The following ARHGAP8 variants were observed in gnomAD, a reference collection of about 807,000 sequenced individuals.
The protein encoded by ARHGAP8 is rho GTPase-activating protein 8.
ARHGAP8 carries 62 observed loss-of-function variants against 46.1 expected under a neutral mutation model. The observed-to-expected ratio is 1.34, with a 90% CI of 1.10 to 1.66. The LOEUF (loss-of-function observed/expected upper bound fraction) is 1.66, where lower values mean the gene tolerates loss of function less well. Ranked by LOEUF, ARHGAP8 falls within the 40% of genes most tolerant of loss-of-function variation. The pLI is 0.00. For synonymous variants in ARHGAP8, 375 were observed against 243.1 expected, an observed-to-expected ratio of 1.54 and a Z score of -5.05; for missense variants, 923 against 568.4, an observed-to-expected ratio of 1.62 and a Z score of -6.34.
intron 11 of ARHGAP8, among the ~76,000 whole-genome samples, 159 bp from the exon 12 acceptor site, chr22:44,862,116 T>G (rs1173323257): frequency 6.6e-6 from 1 of 152,094 alleles, no homozygotes; most frequent in Non-Finnish European, 1.5e-5. Context: ...AGGCCCTGAG[T>G]GGGCAGGTGG....
chr22:44,822,378 T>G lies in ARHGAP8; in HGVS notation c.394T>G (p.Phe132Val). 1 of 1,579,160 alleles carries G rather than the reference T, an allele frequency of 6.3e-7. No individual in the cohort carries two copies. Among genetic ancestry groups the G allele is most frequent in the South Asian group, 1.2e-5 (1 of 84,074 alleles). Residue 132 changes from phenylalanine to valine, a missense_variant, in exon 6 of 12, where the codon TTT (phenylalanine) becomes GTT (valine). Physicochemically the swap from Phe to Val is conservative, Grantham distance 50 (BLOSUM62 -1). Transcript: ENST00000356099. ...TTGCTTCTGCTTTCTTAGTCACAAGTTTGGGAAGAAAGTCATCTATTTCAA... is the reference window on the plus strand; with the variant it reads ...TTGCTTCTGCTTTCTTAGTCACAAGGTTGGGAAGAAAGTCATCTATTTCAA... ...NILKPLISHKFGKKVIYFNYL... is the reference protein window; with the variant it reads ...NILKPLISHKVGKKVIYFNYL...
intron 11 of ARHGAP8, among the ~76,000 whole-genome samples, chr22:44,861,845 C>A (rs564087029): frequency 6.6e-6 from 1 of 152,284 alleles, no homozygotes; most frequent in East Asian, 1.9e-4. Context: ...CAAGCTCTTT[C>A]CACTCTCCCT....
chr22:44,818,703 T>C (rs200848479), intron 5 of ARHGAP8, among the ~76,000 whole-genome samples: 10 of 129,306 alleles, frequency 7.7e-5, no homozygotes, highest in African/African-American at 3.4e-4. Flanking sequence ...TTCCTTCCTT[T>C]TCTCTTTTTT....
chr22:44,833,096 CT>C (rs533794156), intron 7 of ARHGAP8, among the ~76,000 whole-genome samples: 7,054 of 120,270 alleles, frequency 0.059, 344 homozygotes, highest in East Asian at 0.37. Context: ...CTTTTCTTTT[CT>C]TTTTTTTTTT....
chr22:44,859,615 T>A (rs919791555), intron 10 of ARHGAP8, 116 bp from the exon 11 acceptor site: 4 of 1,120,408 alleles, frequency 3.6e-6, no homozygotes, highest in Non-Finnish European at 5.2e-6. Flanking sequence ...AGCCCAAATG[T>A]GGGATAGTCC....
Position 44,848,997 on chromosome 22 carries a change from C to G in ARHGAP8, c.814C>G (p.Leu272Val), listed in dbSNP as rs1445781513. 6.2e-7 allele frequency: 1 copy of G among 1,614,116 alleles called. No individual in the cohort carries two copies. Among genetic ancestry groups the G allele is most frequent in the Non-Finnish European group, 8.5e-7 (1 of 1,180,042 alleles). ...HIPAVILKTFLRELPQPLLTF... is the reference protein window; with the variant it reads ...HIPAVILKTFVRELPQPLLTF... ...CCCTGCCGTGATCCTGAAGACCTTC[C>G]TGCGAGAGCTGCCCCAGCCGCTTCT... Residue 272 changes from leucine (L) to valine (V), a missense_variant, in exon 10 of 12, where the codon CTG (leucine) becomes GTG (valine). Physicochemically the swap from Leu to Val is conservative, Grantham distance 32. Coordinates refer to ENST00000356099, the MANE Select transcript of ARHGAP8 (RefSeq NM_181335.3).
At chr22:44,811,382 C>T (rs1045961029) in intron 4 of ARHGAP8, among the ~76,000 whole-genome samples, 5 of 152,204 alleles carry the variant, frequency 3.3e-5, no homozygotes, top group African/African-American at 1.2e-4. Context: ...CATTGAAGGG[C>T]GTTGATAAGT....
chr22:44,860,986 A>C (rs527707236), intron 11 of ARHGAP8, among the ~76,000 whole-genome samples: 2 of 127,536 alleles, frequency 1.6e-5, no homozygotes, highest in South Asian at 4.8e-4. Flanking sequence ...TCAGAGGCCC[A>C]AAACTAAACT....
chr22:44,813,703 GTACACCTACACACACTTTCATACACT>G (rs1016992578), intron 4 of ARHGAP8, among the ~76,000 whole-genome samples: 4 of 146,640 alleles, frequency 2.7e-5, no homozygotes, highest in South Asian at 2.2e-4. Context: ...ACATATGTAG[GTACACCTACACACACTTTCATACACT>G]TACACCTACA....
chr22:44,770,365 G>T (rs1445706114), intron 1 of ARHGAP8, among the ~76,000 whole-genome samples: 1 of 151,606 alleles, frequency 6.6e-6, no homozygotes, highest in Non-Finnish European at 1.5e-5. Context: ...GGAGTCATCT[G>T]CCAGGAATGC....
In ARHGAP8 at chr22:44,862,324, G is replaced by C. The variant is rs2070533934; in HGVS notation, c.1031G>C (p.Cys344Ser). 1.9e-6 allele frequency: 3 copies of C among 1,613,756 alleles called. No homozygotes were observed. Among genetic ancestry groups the C allele is most frequent in the Non-Finnish European group, 2.5e-6 (3 of 1,179,796 alleles). The change falls in exon 12 of 12, where the codon TGT (cysteine) becomes TCT (serine). Residue 344 changes from cysteine (C) to serine (S), a missense_variant. Coordinates refer to ENST00000356099, the MANE Select transcript of ARHGAP8 (RefSeq NM_181335.3). ...AAAATGAACAGCTCTAACCTGGCCTGTGTCTTCGGGCTGAATTTGATCTGG... is the reference window on the plus strand; with the variant it reads ...AAAATGAACAGCTCTAACCTGGCCTCTGTCTTCGGGCTGAATTTGATCTGG... The part of the protein sequence containing the change: ...FNKMNSSNLA[C>S]VFGLNLIWPS...
chr22:44,837,685 C>T (rs188776122), intron 7 of ARHGAP8, among the ~76,000 whole-genome samples: 1 of 152,252 alleles, frequency 6.6e-6, no homozygotes, highest in Non-Finnish European at 1.5e-5. Context: ...CCTCTCTCTC[C>T]GAGCCAGCAA....
At chr22:44,830,983 A>G (rs186799391) in intron 7 of ARHGAP8, among the ~76,000 whole-genome samples, 7 of 152,250 alleles carry the variant, frequency 4.6e-5, no homozygotes, top group Admixed American at 2.0e-4. Flanking sequence ...GGAAAAATGT[A>G]TATTCACTAG....
At chr22:44,829,825 G>A (rs1930812423) in intron 7 of ARHGAP8, among the ~76,000 whole-genome samples, 2 of 152,110 alleles carry the variant, frequency 1.3e-5, no homozygotes. Flanking sequence ...CTTAGAATGA[G>A]CTAATGAAGT....
In ARHGAP8 at chr22:44,825,550, C is replaced by T. The variant is rs1322026918; in HGVS notation, c.553C>T (p.Arg185Trp). The T allele has an allele frequency of 5.6e-6, 9 of 1,613,440 alleles. No individual in the cohort carries two copies. Among genetic ancestry groups the T allele is most frequent in the East Asian group, 2.2e-5 (1 of 44,840 alleles). The change falls in exon 7 of 12, where the codon CGG becomes TGG. Residue 185 changes from arginine (R) to tryptophan (W), a missense_variant. Transcript: ENST00000356099. ...GCCTCCCACCAAGACACCACCGCCG[C>T]GGCCCCCGCTGCCCACACAGCAGTT... ...TPPPTKTPPP[R>W]PPLPTQQFGV...
intron 2 of ARHGAP8, among the ~76,000 whole-genome samples, chr22:44,800,566 C>T (rs1349155763): frequency 0.01 from 1,153 of 111,528 alleles, 37 homozygotes; most frequent in African/African-American, 0.038. Context: ...GGGGGGCGCC[C>T]CTCCCCGCAG....
chr22:44,817,986 G>A (rs573259856), intron 5 of ARHGAP8, among the ~76,000 whole-genome samples: 4 of 152,022 alleles, frequency 2.6e-5, no homozygotes, highest in East Asian at 1.9e-4. Flanking sequence ...ATGGTGGCGC[G>A]TACCTTAGTC....
Position 44,841,200 on chromosome 22 carries a change from G to A in ARHGAP8, c.597-4069G>A, listed in dbSNP as rs1035946870. Among the ~76,000 whole-genome samples, 5 of 151,506 alleles carry A rather than the reference G, an allele frequency of 3.3e-5. No individual in the cohort carries two copies. The East Asian group carries it at 5.9e-4, about 18-fold the overall frequency. Reference sequence around the variant, plus strand: ...AGTCAACGTTAAGATTCAGGTACGCGTCATGGCCAAGAATCTGAGTAAAGT... The same window carrying A: ...AGTCAACGTTAAGATTCAGGTACGCATCATGGCCAAGAATCTGAGTAAAGT... On this transcript the variant is annotated intron_variant, in intron 7 of 11. Transcript: ENST00000356099.
intron 4 of ARHGAP8, among the ~76,000 whole-genome samples, chr22:44,811,366 C>T (rs1343367941): frequency 6.6e-6 from 1 of 152,238 alleles, no homozygotes; most frequent in Non-Finnish European, 1.5e-5. Flanking sequence ...GCTGTCAGAG[C>T]TCTCACATTG....
Sources: allele counts gnomAD v4.1 joint callset (sites outside exome capture counted in the v4.1 genomes callset), GRCh38; gene constraint gnomAD v4.1.1; transcripts MANE v1.5; gene names NCBI Gene and HGNC (gene_info 2026-07-23, HGNC 2026-07-21).